RASSF9: variants seen among roughly 807,000 people sequenced by gnomAD.
The protein encoded by RASSF9 is ras association domain-containing protein 9.
A neutral mutation model predicts 21.4 loss-of-function variants in RASSF9; 18 were observed. The observed-to-expected ratio is 0.84, with a 90% confidence interval of 0.58 to 1.25. The LOEUF is 1.25. Among genes scored for constraint, RASSF9 ranks in the 50% most tolerant of loss-of-function variants. RASSF9 has a pLI of 0.00. For missense variants in RASSF9, 480 were observed against 503.2 expected (o/e 0.95, Z 0.44); for synonymous variants, 183 against 179.1 (o/e 1.02, Z -0.18).
intron 1 of RASSF9, among the ~76,000 whole-genome samples, chr12:85,826,736 C>A (rs1880343180): frequency 6.6e-6 from 1 of 152,074 alleles, no homozygotes; most frequent in Non-Finnish European, 1.5e-5. Context: ...AGCCACCGCG[C>A]CTGGCCCATC....
rs202080603 is a variant in RASSF9, at chr12:85,836,130, C to T, written c.47+25G>A. The T allele has an allele frequency of 1.9e-6, 3 of 1,551,366 alleles. No individual in the cohort carries two copies. In the South Asian group the frequency reaches 3.6e-5, roughly 18 times the overall value. ...ACACACACACACAGAGACACACACACACTTACTCACACGCTTGACTTTACC... is the reference window on the plus strand; with the variant it reads ...ACACACACACACAGAGACACACACATACTTACTCACACGCTTGACTTTACC... On this transcript the variant is annotated intron_variant, in intron 1 of 1. Transcript: ENST00000361228.
Position 85,806,489 on chromosome 12 carries a change from A to G in RASSF9, c.48-527T>C, listed in dbSNP as rs1286717427. 2.0e-5 allele frequency among the ~76,000 whole-genome samples: 3 copies of G among 150,646 alleles called. No individual in the cohort carries two copies. The East Asian group carries it at 6.1e-4, about 30-fold the overall frequency. On this transcript the variant is annotated intron_variant, in intron 1 of 1. Coordinates refer to ENST00000361228, the MANE Select transcript of RASSF9 (RefSeq NM_005447.4). ...GGAGCTTGAGACCAGCCTGGCCAAC[A>G]TGGATAAACCCCGTCTCTACTAAAA...
Position 85,802,970 on chromosome 12 carries a change from GC to G in RASSF9, c.*1731del, listed in dbSNP as rs1372317233. On this transcript the variant is annotated 3_prime_UTR_variant, in exon 2 of 2. Transcript: ENST00000361228. ...ATGGAAATTTCTATTTTTCTTACCA[GC>G]CAACTTGAAATAAGACCTGAAAATA... 3.3e-5 allele frequency: 5 copies of G among 151,838 alleles called. No individual in the cohort carries two copies. Among genetic ancestry groups the G allele is most frequent in the Non-Finnish European group, 5.9e-5 (4 of 67,946 alleles). The allele number at this position is 151,838 out of a possible 1,614,324, so 9.4% of individuals were successfully genotyped here.
intron 1 of RASSF9, among the ~76,000 whole-genome samples, chr12:85,806,998 G>GT (rs1242007044): frequency 6.6e-6 from 1 of 152,096 alleles, no homozygotes; most frequent in Non-Finnish European, 1.5e-5. Flanking sequence ...ACATGAATAT[G>GT]TAACTAATGT....
Position 85,824,845 on chromosome 12 carries a change from T to A in RASSF9, c.47+11310A>T, listed in dbSNP as rs79421473. On this transcript the variant is annotated intron_variant, in intron 1 of 1. Coordinates refer to ENST00000361228, the MANE Select transcript of RASSF9 (RefSeq NM_005447.4). ...CACGCTTTTATTTTGACTTCGAGCT[T>A]TTCCATAACCTGTTGCCTTGTCCTG... 6.6e-5 allele frequency among the ~76,000 whole-genome samples: 10 copies of A among 152,278 alleles called. No individual in the cohort carries two copies. In the South Asian group the frequency reaches 8.3e-4, roughly 13 times the overall value.
intron 1 of RASSF9, among the ~76,000 whole-genome samples, chr12:85,826,635 G>C (rs2136562039): frequency 7.2e-6 from 1 of 138,066 alleles, no homozygotes; most frequent in South Asian, 2.2e-4. Flanking sequence ...TTTTAGTAGA[G>C]TCGGGGTTTC....
chr12:85,832,007 T>C (rs2136564790), intron 1 of RASSF9, among the ~76,000 whole-genome samples: 2 of 151,918 alleles, frequency 1.3e-5, no homozygotes, highest in Middle Eastern at 6.8e-3. Flanking sequence ...ACAAGCAAAT[T>C]TTTTGGAGTC....
intron 1 of RASSF9, among the ~76,000 whole-genome samples, chr12:85,832,099 C>T (rs963886312): frequency 2.0e-5 from 3 of 151,722 alleles, no homozygotes; most frequent in South Asian, 2.1e-4. Flanking sequence ...TTGTGAAAGC[C>T]GAAGGGAACC....
chr12:85,806,341 C>A (rs373037735), intron 1 of RASSF9, among the ~76,000 whole-genome samples: 4 of 150,020 alleles, frequency 2.7e-5, no homozygotes, highest in Non-Finnish European at 5.9e-5. Flanking sequence ...TGAGCCACTG[C>A]GCCTGGCCGA....
chr12:85,801,892 A>G lies in RASSF9; in HGVS notation c.*2810T>C, dbSNP rs1879714228. ...AATATATATAGCGTAAGCCAGAATAAAAATGCTTCTTATGAGAAGTACCTC... is the reference window on the plus strand; with the variant it reads ...AATATATATAGCGTAAGCCAGAATAGAAATGCTTCTTATGAGAAGTACCTC... On this transcript the variant is annotated 3_prime_UTR_variant, in exon 2 of 2. Coordinates refer to ENST00000361228, the MANE Select transcript of RASSF9 (RefSeq NM_005447.4). The G allele has an allele frequency of 6.6e-6, 1 of 152,260 alleles. No homozygotes were observed. The highest frequency in any genetic ancestry group is 2.4e-5 in the African/African-American group (1 of 41,476). The allele number at this position is 152,260 out of a possible 1,614,324, so 9.4% of individuals were successfully genotyped here.
chr12:85,827,434 A>T (rs1880357346), intron 1 of RASSF9, among the ~76,000 whole-genome samples: 1 of 152,166 alleles, frequency 6.6e-6, no homozygotes, highest in Non-Finnish European at 1.5e-5. Flanking sequence ...TCCTCGTCCT[A>T]GTACAATTAC....
intron 1 of RASSF9, 143 bp downstream of exon 1, chr12:85,836,012 G>A: frequency 2.7e-6 from 4 of 1,499,788 alleles, no homozygotes; most frequent in Non-Finnish European, 1.8e-6. Context: ...CCTTAGGCTA[G>A]GACTGTGTCC....
chr12:85,811,879 G>C (rs1190201233), intron 1 of RASSF9, among the ~76,000 whole-genome samples: 4 of 151,490 alleles, frequency 2.6e-5, no homozygotes, highest in Non-Finnish European at 4.4e-5. Context: ...TGTTAATTAG[G>C]GTATGTCACA....
In RASSF9 at chr12:85,805,961, A is replaced by G. The variant is rs774862026; in HGVS notation, c.49T>C (p.Ser17Pro). The G allele has an allele frequency of 6.3e-7, 1 of 1,597,876 alleles. No individual in the cohort carries two copies. Among genetic ancestry groups the G allele is most frequent in the Non-Finnish European group, 8.5e-7 (1 of 1,171,434 alleles). Reference protein sequence around the residue: ...NLLKTRHKNRSPTKDMDSEEK... With the variant: ...NLLKTRHKNRPPTKDMDSEEK... ...TCTGAATCCATGTCTTTAGTTGGAG[A>G]TCTGAAAGAAAAACAAAAGCACATT... Residue 17 changes from serine to proline, a missense_variant and splice_region_variant, in exon 2 of 2, where the codon TCT becomes CCT. Ser to Pro is a moderately conservative substitution (Grantham distance 74). Coordinates refer to ENST00000361228, the MANE Select transcript of RASSF9 (RefSeq NM_005447.4).
intron 1 of RASSF9, 110 bp from the exon 2 acceptor site, chr12:85,806,072 A>AG: frequency 8.4e-7 from 1 of 1,193,172 alleles, no homozygotes; most frequent in Non-Finnish European, 1.1e-6. Context: ...TGAGAGAGGC[A>AG]TTTTTTTTCT....
chr12:85,817,492 A>G (rs1406638848), intron 1 of RASSF9, among the ~76,000 whole-genome samples: 1 of 152,054 alleles, frequency 6.6e-6, no homozygotes, highest in Non-Finnish European at 1.5e-5. Context: ...AAACCCAAGC[A>G]GAAATTTAGA....
chr12:85,815,980 A>G (rs1420630852), intron 1 of RASSF9, among the ~76,000 whole-genome samples: 5 of 152,158 alleles, frequency 3.3e-5, no homozygotes, highest in African/African-American at 1.2e-4. Flanking sequence ...CTATGCAGCT[A>G]TAAAAGAATG....
intron 1 of RASSF9, among the ~76,000 whole-genome samples, chr12:85,831,923 C>T (rs1023931080): frequency 6.6e-6 from 1 of 151,854 alleles, no homozygotes; most frequent in African/African-American, 2.4e-5. Flanking sequence ...GATGCAAAAG[C>T]AACCTGGAAT....
rs763934023 is a variant in RASSF9 at position 85,805,132 on chromosome 12, C to A, written c.878G>T (p.Ser293Ile). The A allele has an allele frequency of 6.2e-6, 10 of 1,613,906 alleles. No homozygotes were observed. The highest frequency in any genetic ancestry group is 7.6e-6 in the Non-Finnish European group (9 of 1,179,878). ...LSAEIEKEVK[S>I]VCIDINEDAE... ...ATCTTCATTTATATCAATGCAAACA[C>A]TTTTTACCTCTTTTTCTATTTCAGC... Residue 293 changes from serine (S) to isoleucine (I), a missense_variant, in exon 2 of 2, where the codon AGT (serine) becomes ATT (isoleucine). Coordinates refer to ENST00000361228, the MANE Select transcript of RASSF9 (RefSeq NM_005447.4).
Sources: allele counts gnomAD v4.1 joint callset (sites outside exome capture counted in the v4.1 genomes callset), GRCh38; gene constraint gnomAD v4.1.1; transcripts MANE v1.5; gene names NCBI Gene and HGNC (gene_info 2026-07-23, HGNC 2026-07-21).